The following CEP112 variants were observed in gnomAD, a reference collection of about 807,000 sequenced individuals.
CEP112 encodes centrosomal protein 112.
CEP112 carries 127 observed loss-of-function variants against 153.0 expected under a neutral mutation model. The observed-to-expected ratio is 0.83, with a 90% CI of 0.72 to 0.96. The LOEUF is 0.96. Ranked by LOEUF, CEP112 falls within the 40% of genes least tolerant of loss-of-function variation. The pLI is 0.00. For synonymous variants in CEP112, 358 were observed against 374.4 expected (o/e 0.96, Z 0.51); for missense variants, 1,089 against 1,101.2 (o/e 0.99, Z 0.16).
intron 4 of CEP112, among the ~76,000 whole-genome samples, chr17:66,149,669 T>A (rs1659306057): frequency 6.6e-6 from 1 of 152,088 alleles, no homozygotes; most frequent in Admixed American, 6.6e-5. Context: ...AATTTCTCTC[T>A]GATTTTAGTT....
chr17:65,955,546 A>C (rs937190304), intron 18 of CEP112, among the ~76,000 whole-genome samples: 11 of 152,192 alleles, frequency 7.2e-5, no homozygotes, highest in African/African-American at 2.7e-4. Context: ...CACCTAAAAG[A>C]TACAGAATGG....
intron 21 of CEP112, among the ~76,000 whole-genome samples, chr17:65,805,157 T>C (rs560848376): frequency 6.6e-6 from 1 of 152,226 alleles, no homozygotes; most frequent in African/African-American, 2.4e-5. Flanking sequence ...CTACAAGTAA[T>C]CTTTATAGTG....
At chr17:65,784,884 T>C (rs1436279769) in intron 21 of CEP112, among the ~76,000 whole-genome samples, 1 of 152,198 alleles carries the variant, frequency 6.6e-6, no homozygotes, top group Non-Finnish European at 1.5e-5. Flanking sequence ...TTCATAGATC[T>C]GTACATTTAT....
chr17:66,089,665 C>T (rs746584882), intron 8 of CEP112, among the ~76,000 whole-genome samples: 15 of 151,700 alleles, frequency 9.9e-5, no homozygotes, highest in East Asian at 3.9e-4. Context: ...AAAGGAATGA[C>T]GAAAGTTTAC....
At chr17:66,002,059 A>C (rs960485771) in intron 17 of CEP112, among the ~76,000 whole-genome samples, 6 of 152,230 alleles carry the variant, frequency 3.9e-5, no homozygotes, top group East Asian at 1.9e-4. Flanking sequence ...CATTTTTAGA[A>C]ACAATAGCAA....
chr17:66,048,517 C>T (rs553441913), intron 12 of CEP112, among the ~76,000 whole-genome samples: 1 of 152,300 alleles, frequency 6.6e-6, no homozygotes, highest in East Asian at 1.9e-4. Flanking sequence ...ATGTTAAAGG[C>T]AAAACTTTAA....
At chr17:65,653,745 A>G (rs1302995684) in intron 24 of CEP112, among the ~76,000 whole-genome samples, 2 of 151,818 alleles carry the variant, frequency 1.3e-5, no homozygotes, top group Non-Finnish European at 1.5e-5. Flanking sequence ...TTTTTAGGGG[A>G]ATGAGTATAT....
chr17:66,091,322 G>A (rs1378478447), intron 8 of CEP112, among the ~76,000 whole-genome samples: 1 of 151,992 alleles, frequency 6.6e-6, no homozygotes. Flanking sequence ...AATTTAAGAA[G>A]ACTGAAATCA....
intron 18 of CEP112, among the ~76,000 whole-genome samples, chr17:65,932,186 A>G (rs568859620): frequency 1.3e-5 from 2 of 152,298 alleles, no homozygotes; most frequent in Admixed American, 6.5e-5. Flanking sequence ...AAAGAACCCA[A>G]TAGCAAAATC....
At chr17:65,701,280 C>T (rs543491593) in intron 23 of CEP112, among the ~76,000 whole-genome samples, 1 of 152,274 alleles carries the variant, frequency 6.6e-6, no homozygotes, top group African/African-American at 2.4e-5. Flanking sequence ...AAGAATGACT[C>T]TGAGGCTTTC....
chr17:65,653,548 C>T (rs1169723329), intron 24 of CEP112, among the ~76,000 whole-genome samples: 1 of 151,992 alleles, frequency 6.6e-6, no homozygotes, highest in African/African-American at 2.4e-5. Context: ...TGCAATTGGC[C>T]ATCTGGTGTA....
At chr17:65,888,675 G>C (rs187930615) in intron 20 of CEP112, among the ~76,000 whole-genome samples, 86 of 152,288 alleles carry the variant, frequency 5.6e-4, no homozygotes, top group African/African-American at 2.0e-3. Flanking sequence ...GCAAGCAAGA[G>C]ACAGAATGTT....
chr17:65,755,901 G>C (rs745958812), intron 21 of CEP112, among the ~76,000 whole-genome samples: 10 of 152,094 alleles, frequency 6.6e-5, no homozygotes, highest in Non-Finnish European at 1.3e-4. Flanking sequence ...TTAAGGTCTA[G>C]GTTAAAACTA....
chr17:65,639,459 T>C (rs914859007), intron 25 of CEP112, among the ~76,000 whole-genome samples: 4 of 151,940 alleles, frequency 2.6e-5, no homozygotes, highest in African/African-American at 4.8e-5. Flanking sequence ...GCGAATTGCT[T>C]GAGGTCAGGA....
chr17:65,759,034 G>GT (rs2052452262), intron 21 of CEP112, among the ~76,000 whole-genome samples: 1 of 152,128 alleles, frequency 6.6e-6, no homozygotes, highest in African/African-American at 2.4e-5. Flanking sequence ...GATAAAACAA[G>GT]TTGCAGTAAA....
At chr17:66,106,069 AAAG>A (rs2068769607) in intron 6 of CEP112, among the ~76,000 whole-genome samples, 1 of 152,118 alleles carries the variant, frequency 6.6e-6, no homozygotes, top group Admixed American at 6.6e-5. Context: ...ATAAAGAAAT[AAAG>A]AAGGAAATAA....
At chr17:66,034,714 T>C (rs999925159) in intron 12 of CEP112, among the ~76,000 whole-genome samples, 20 of 151,996 alleles carry the variant, frequency 1.3e-4, no homozygotes, top group Non-Finnish European at 2.4e-4. Context: ...AGAAAAATGA[T>C]AGACATTGAA....
chr17:65,836,954 C>T (rs1024286759), intron 21 of CEP112, among the ~76,000 whole-genome samples: 68 of 144,034 alleles, frequency 4.7e-4, no homozygotes, highest in South Asian at 1.1e-3. Flanking sequence ...AGGTGCGCGC[C>T]GCCACGCCTG....
chr17:66,046,709 T>C (rs528729812), intron 12 of CEP112, among the ~76,000 whole-genome samples: 1 of 152,296 alleles, frequency 6.6e-6, no homozygotes, highest in South Asian at 2.1e-4. Flanking sequence ...GTTAAAATGA[T>C]ATCATACTGG....
Sources: gnomAD v4.1 joint callset for allele counts (sites outside exome capture counted in the v4.1 genomes callset) on GRCh38, gnomAD v4.1.1 for gene constraint, MANE v1.5 for transcripts, NCBI Gene and HGNC (gene_info 2026-07-23, HGNC 2026-07-21) for gene names.